Variants in CLCNKA observed in about 807,000 individuals in gnomAD.
The protein encoded by CLCNKA is chloride voltage-gated channel Ka.
CLCNKA carries 66 observed loss-of-function variants against 83.3 expected under a neutral mutation model. That is an observed-to-expected ratio of 0.79 (90% CI 0.65 to 0.97). The LOEUF is 0.97. Among genes scored for constraint, CLCNKA ranks in the 50% least tolerant of loss-of-function variants. CLCNKA has a pLI of 0.00. For missense variants in CLCNKA, 806 were observed against 888.7 expected, an observed-to-expected ratio of 0.91 and a Z score of 1.18; for synonymous variants, 357 against 370.4, an observed-to-expected ratio of 0.96 and a Z score of 0.42.
intron 14 of CLCNKA, 26 bp from the exon 15 acceptor site, chr1:16,030,435 C>A: frequency 1.2e-6 from 2 of 1,611,752 alleles, no homozygotes; most frequent in East Asian, 2.2e-5. Flanking sequence ...TGGCCTGAGC[C>A]GACCTGTGTG....
chr1:16,031,417 G>A lies in CLCNKA; in HGVS notation c.1623-293G>A, dbSNP rs1255940899. On this transcript the variant is annotated intron_variant, in intron 15 of 19. Coordinates refer to ENST00000331433, the MANE Select transcript of CLCNKA (RefSeq NM_004070.4). ...ACCACCTGGCAGATACTGGTTTTCC[G>A]TCATCTCACACTCAGCTCTGTCCAA... Among the ~76,000 whole-genome samples the A allele has an allele frequency of 1.4e-4, 22 of 152,094 alleles. No individual in the cohort carries two copies. The East Asian group carries it at 2.5e-3, about 17-fold the overall frequency.
In CLCNKA at chr1:16,029,294, A is replaced by G; in HGVS notation, c.1222A>G (p.Met408Val). The G allele has an allele frequency of 6.2e-7, 1 of 1,613,710 alleles. No homozygotes were observed. The highest frequency in any genetic ancestry group is 8.5e-7 in the Non-Finnish European group (1 of 1,179,970). The change falls in exon 12 of 20, where the codon ATG becomes GTG. Residue 408 changes from methionine to valine, a missense_variant. Physicochemically the swap from Met to Val is conservative, Grantham distance 21 (BLOSUM62 1). Transcript: ENST00000331433. The part of the protein sequence containing the change: ...IFGTLAFFLV[M>V]KFWMLILATT... ...TGGGACCCTTGCCTTCTTCCTGGTTATGAAGGTGGGCCCCCTGACCCCCAG... is the reference window on the plus strand; with the variant it reads ...TGGGACCCTTGCCTTCTTCCTGGTTGTGAAGGTGGGCCCCCTGACCCCCAG...
At chr1:16,026,921 C>T (rs1315108040) in intron 7 of CLCNKA, 146 bp downstream of exon 7, 9 of 1,099,926 alleles carry the variant, frequency 8.2e-6, no homozygotes, top group Non-Finnish European at 1.1e-5. Context: ...TATAGCCACC[C>T]CCCGGGGGCG....
chr1:16,031,865 G>A, intron 16 of CLCNKA, 22 bp downstream of exon 16: 2 of 1,613,494 alleles, frequency 1.2e-6, no homozygotes, highest in South Asian at 1.1e-5. Flanking sequence ...GAAGGGAGGA[G>A]GAAGTCGGGG....
At chr1:16,030,309 C>T (rs1410681743) in intron 14 of CLCNKA, 152 bp from the exon 15 acceptor site, 2 of 1,024,786 alleles carry the variant, frequency 2.0e-6, no homozygotes, top group Non-Finnish European at 1.4e-6. Context: ...CTCACCAAGC[C>T]CAGGCCTTGG....
chr1:16,027,302 G>T lies in CLCNKA; in HGVS notation c.656-8G>T. ...TGGGGGCCCACCTGACATCAGTGTC[G>T]CCCCCAGGCGTCCTGTTCAGCATCG... On this transcript the variant is annotated splice_region_variant and splice_polypyrimidine_tract_variant and intron_variant, in intron 7 of 19. Coordinates refer to ENST00000331433, the MANE Select transcript of CLCNKA (RefSeq NM_004070.4). 6.2e-7 allele frequency: 1 copy of T among 1,612,842 alleles called. No homozygotes were observed. Among genetic ancestry groups the T allele is most frequent in the South Asian group, 1.1e-5 (1 of 91,040 alleles).
chr1:16,032,360 G>A (rs1185585446), intron 17 of CLCNKA, 69 bp downstream of exon 17: 7 of 1,542,206 alleles, frequency 4.5e-6, no homozygotes, highest in African/African-American at 1.4e-5. Flanking sequence ...GGAGGGACCC[G>A]CTGATCTCCT....
At chr1:16,027,159 C>G (rs1005528025) in intron 7 of CLCNKA, 151 bp from the exon 8 acceptor site, 18 of 1,156,638 alleles carry the variant, frequency 1.6e-5, no homozygotes, top group Non-Finnish European at 1.9e-5. Context: ...CCGCCCAGGG[C>G]GCAAGCCCTG....
Position 16,030,015 on chromosome 1 carries a change from G to C in CLCNKA, c.1348G>C (p.Glu450Gln). 2 of 1,611,172 alleles carry C rather than the reference G, an allele frequency of 1.2e-6. No homozygotes were observed. The highest frequency in any genetic ancestry group is 1.7e-6 in the Non-Finnish European group (2 of 1,177,778). Residue 450 changes from glutamate (E) to glutamine (Q), a missense_variant, in exon 14 of 20, where the codon GAG becomes CAG. Physicochemically the swap from Glu to Gln is conservative, Grantham distance 29. Transcript: ENST00000331433. ...LGEALAVAFP[E>Q]GIVTGGVTNP... Reference sequence around the variant, plus strand: ...AGAGGCTCTTGCCGTCGCCTTCCCTGAGGGCATTGTGACTGGAGGGGTTAC... The same window carrying C: ...AGAGGCTCTTGCCGTCGCCTTCCCTCAGGGCATTGTGACTGGAGGGGTTAC...
intron 17 of CLCNKA, 27 bp downstream of exon 17, chr1:16,032,318 T>TG: frequency 3.5e-6 from 1 of 285,032 alleles, no homozygotes; most frequent in Non-Finnish European, 7.4e-6. Context: ...GGCGTGGGGA[T>TG]GGGGCGGGGG....
chr1:16,026,139 G>A lies in CLCNKA; in HGVS notation c.390G>A (p.Leu130=), dbSNP rs2022337120. ...GAATCCCGGAGCTGAAGACCATGTT[G>A]GCGGGTGTGATCTTGGAGGACTACC... ...GSGIPELKTM[L]AGVILEDYLD... The change falls in exon 5 of 20, where the codon TTG becomes TTA. Residue 130 remains leucine (L), a synonymous_variant. Coordinates refer to ENST00000331433, the MANE Select transcript of CLCNKA (RefSeq NM_004070.4). 6.2e-7 allele frequency: 1 copy of A among 1,613,106 alleles called. No homozygotes were observed. Among genetic ancestry groups the A allele is most frequent in the African/African-American group, 1.3e-5 (1 of 75,008 alleles).
Position 16,029,819 on chromosome 1 carries a change from G to A in CLCNKA, c.1297+19G>A, listed in dbSNP as rs371139669. 2.4e-5 allele frequency: 38 copies of A among 1,614,106 alleles called. No homozygotes were observed. In the African/African-American group the frequency reaches 4.7e-4, roughly 20 times the overall value. Reference sequence around the variant, plus strand: ...ATCCTTGGTGAGTCTGGGGTCCTGAGGTTCTGAGAGTTTTGGGGTTCTTGG... The same window carrying A: ...ATCCTTGGTGAGTCTGGGGTCCTGAAGTTCTGAGAGTTTTGGGGTTCTTGG... On this transcript the variant is annotated intron_variant, in intron 13 of 19. Coordinates refer to ENST00000331433, the MANE Select transcript of CLCNKA (RefSeq NM_004070.4).
chr1:16,028,275 C>T (rs1229428304), intron 10 of CLCNKA, among the ~76,000 whole-genome samples, 156 bp downstream of exon 10: 3 of 151,740 alleles, frequency 2.0e-5, no homozygotes, highest in Admixed American at 2.0e-4. Flanking sequence ...CCCACAGTCA[C>T]TGTCCCCCCT....
intron 10 of CLCNKA, 131 bp from the exon 11 acceptor site, chr1:16,028,630 C>T: frequency 8.6e-7 from 1 of 1,165,332 alleles, no homozygotes; most frequent in Non-Finnish European, 1.3e-6. Flanking sequence ...GCCCTTCCTC[C>T]TCACCAGTCC....
chr1:16,028,473 C>T (rs2022474350), intron 10 of CLCNKA: 10 of 624,140 alleles, frequency 1.6e-5, no homozygotes, highest in East Asian at 1.4e-4. Flanking sequence ...CGCCCCGGCC[C>T]GGCCCACTGT....
chr1:16,032,949 G>A (rs1281913314), intron 18 of CLCNKA, among the ~76,000 whole-genome samples: 1 of 152,212 alleles, frequency 6.6e-6, no homozygotes, highest in African/African-American at 2.4e-5. Flanking sequence ...GCTGGAGGGT[G>A]CTGGATGTTG....
At position 16,033,701 on chromosome 1, in the gene CLCNKA, T is replaced by C; in HGVS notation, c.*43T>C. On this transcript the variant is annotated 3_prime_UTR_variant, in exon 20 of 20. Coordinates refer to ENST00000331433, the MANE Select transcript of CLCNKA (RefSeq NM_004070.4). ...AAACAGGGCACCCCAGCTGACCTGG[T>C]ACTGAGGTTGGGCTGAGACCCTGCT... 1 of 1,590,548 alleles carries C rather than the reference T, an allele frequency of 6.3e-7. No homozygotes were observed. The highest frequency in any genetic ancestry group is 8.6e-7 in the Non-Finnish European group (1 of 1,163,484).
At position 16,024,902 on chromosome 1, in the gene CLCNKA, G is replaced by A. The variant is rs368182500; in HGVS notation, c.358+11G>A. ...CGCCCTCCTCTGGAGGTGAGTCCAC[G>A]GTCGCCATGCCAGTCCCCAGTGCCA... On this transcript the variant is annotated intron_variant, in intron 4 of 19. Coordinates refer to ENST00000331433, the MANE Select transcript of CLCNKA (RefSeq NM_004070.4). 30 of 1,614,012 alleles carry A rather than the reference G, an allele frequency of 1.9e-5. No individual in the cohort carries two copies. Among genetic ancestry groups the A allele is most frequent in the African/African-American group, 8.0e-5 (6 of 75,030 alleles).
Position 16,029,159 on chromosome 1 carries a change from G to T in CLCNKA, c.1087G>T (p.Asp363Tyr), listed in dbSNP as rs377505456. The change falls in exon 12 of 20, where the codon GAC becomes TAC. Residue 363 changes from aspartate (D) to tyrosine (Y), a missense_variant. By Grantham distance (160) the Asp-to-Tyr change is radical. Coordinates refer to ENST00000331433, the MANE Select transcript of CLCNKA (RefSeq NM_004070.4). ...GAAGCAGCATCTGGACTCGCTGTTC[G>T]ACAACCACTCCTGGGCGCTGATGAC... ...SMKQHLDSLF[D>Y]NHSWALMTQN... The T allele has an allele frequency of 6.2e-7, 1 of 1,612,312 alleles. No homozygotes were observed. The highest frequency in any genetic ancestry group is 1.1e-5 in the South Asian group (1 of 91,034).
Sources: allele counts gnomAD v4.1 joint callset (sites outside exome capture counted in the v4.1 genomes callset), GRCh38; gene constraint gnomAD v4.1.1; transcripts MANE v1.5; gene names NCBI Gene and HGNC (gene_info 2026-07-23, HGNC 2026-07-21).